NEO1: variants seen among roughly 807,000 people sequenced by gnomAD.
The protein encoded by NEO1 is neogenin.
NEO1 carries 63 observed loss-of-function variants against 159.7 expected under a neutral mutation model. The observed-to-expected ratio is 0.39, with a 90% CI of 0.32 to 0.49. The LOEUF (loss-of-function observed/expected upper bound fraction) is 0.49. Among genes scored for constraint, NEO1 ranks in the 20% least tolerant of loss-of-function variants. NEO1 has a pLI of 0.85. For missense variants in NEO1, 1,615 were observed against 1,831.0 expected, an observed-to-expected ratio of 0.88 and a Z score of 2.15; for synonymous variants, 633 against 662.0, an observed-to-expected ratio of 0.96 and a Z score of 0.67.
intron 5 of NEO1, among the ~76,000 whole-genome samples, chr15:73,166,308 A>G (rs2034566180): frequency 6.6e-6 from 1 of 152,148 alleles, no homozygotes. Context: ...TAAAAAATGA[A>G]AAACTAGAAT....
At chr15:73,265,588 A>G (rs2040846464) in intron 15 of NEO1, among the ~76,000 whole-genome samples, 2 of 152,290 alleles carry the variant, frequency 1.3e-5, no homozygotes, top group Admixed American at 6.5e-5. Context: ...CCTTTTCCCA[A>G]TCTCAGTGAA....
intron 7 of NEO1, chr15:73,221,652 C>T (rs118016492): frequency 0.013 from 1,975 of 155,844 alleles, 27 homozygotes; most frequent in East Asian, 0.049. Context: ...CCTCCCCAAG[C>T]CTTGCTGCTG....
chr15:73,254,651 A>C (rs2150961067), intron 12 of NEO1, 31 bp from the exon 13 acceptor site: 1 of 1,556,794 alleles, frequency 6.4e-7, no homozygotes. Flanking sequence ...TGATATATTC[A>C]GCCTTTTTTC....
intron 8 of NEO1, among the ~76,000 whole-genome samples, chr15:73,237,611 T>C (rs2039249942): frequency 6.6e-6 from 1 of 152,220 alleles, no homozygotes; most frequent in African/African-American, 2.4e-5. Context: ...GCAGGACCCT[T>C]TCTTTAATAC....
At chr15:73,289,259 T>C (rs146610833) in intron 25 of NEO1, 21 bp downstream of exon 25, 1 of 1,597,276 alleles carries the variant, frequency 6.3e-7, no homozygotes, top group African/African-American at 1.3e-5. Context: ...GCATCTCTTT[T>C]CCTCAGTGCT....
rs181362873 is a variant in NEO1, at chr15:73,116,036, A to G, written c.131-504A>G. 2.1e-3 allele frequency among the ~76,000 whole-genome samples: 323 copies of G among 152,346 alleles called. 2 individuals are homozygous for G. Among genetic ancestry groups the G allele is most frequent in the African/African-American group, 7.4e-3 (308 of 41,584 alleles). ...AAATGGAAAAAAGAATATTTGTAAAATATGATAGCAGATTGCTTTTTAAGT... is the reference window on the plus strand; with the variant it reads ...AAATGGAAAAAAGAATATTTGTAAAGTATGATAGCAGATTGCTTTTTAAGT... On this transcript the variant is annotated intron_variant, in intron 1 of 28. Coordinates refer to ENST00000261908, the MANE Select transcript of NEO1 (RefSeq NM_002499.4).
chr15:73,298,509 C>A lies in NEO1; in HGVS notation c.4063C>A (p.Pro1355Thr). 1 of 1,614,162 alleles carries A rather than the reference C, an allele frequency of 6.2e-7. No homozygotes were observed. Among genetic ancestry groups the A allele is most frequent in the Non-Finnish European group, 8.5e-7 (1 of 1,180,032 alleles). Residue 1355 changes from proline to threonine, a missense_variant, in exon 27 of 29, where the codon CCT becomes ACT. Pro to Thr is a conservative substitution (Grantham distance 38). Coordinates refer to ENST00000261908, the MANE Select transcript of NEO1 (RefSeq NM_002499.4). Reference protein sequence around the residue: ...GQSLPTAHVRPSHPLKSFAVP... With the variant: ...GQSLPTAHVRTSHPLKSFAVP... ...GAGTCTTCCCACTGCCCATGTTCGC[C>A]CTTCCCACCCATTGAAGAGCTTCGC...
rs541572728 is a variant in NEO1 at position 73,263,475 on chromosome 15, G to A, written c.2399-2841G>A. Among the ~76,000 whole-genome samples the A allele has an allele frequency of 1.9e-4, 29 of 152,164 alleles. No homozygotes were observed. The East Asian group carries it at 2.7e-3, about 14-fold the overall frequency. On this transcript the variant is annotated intron_variant, in intron 15 of 28. Transcript: ENST00000261908. ...CTTCCAAAGTGCTGGGATTACAGGC[G>A]TGAGCCACTGCACCCGGCCTCATTG...
Position 73,178,402 on chromosome 15 carries a change from A to C in NEO1, c.1266A>C (p.Gly422=). The change falls in exon 7 of 29, where the codon GGA becomes GGC. Residue 422 remains glycine (G), a synonymous_variant. Coordinates refer to ENST00000261908, the MANE Select transcript of NEO1 (RefSeq NM_002499.4). The stretch of plus-strand genomic sequence containing the variant: ...ATGATGTTGGAAATGCACAAGCTGG[A>C]GCCCAACTGATAATCCTTGAACATG... ...AENDVGNAQA[G]AQLIILEHAP... 6.2e-7 allele frequency: 1 copy of C among 1,613,794 alleles called. No individual in the cohort carries two copies. Among genetic ancestry groups the C allele is most frequent in the Non-Finnish European group, 8.5e-7 (1 of 1,179,844 alleles).
intron 1 of NEO1, among the ~76,000 whole-genome samples, chr15:73,072,840 T>C (rs1359109049): frequency 1.3e-5 from 2 of 152,004 alleles, no homozygotes; most frequent in Non-Finnish European, 2.9e-5. Context: ...TAGAAAGATA[T>C]TTAGATGATA....
At chr15:73,094,868 T>A (rs538132168) in intron 1 of NEO1, among the ~76,000 whole-genome samples, 7 of 152,336 alleles carry the variant, frequency 4.6e-5, no homozygotes, top group African/African-American at 1.7e-4. Flanking sequence ...AGGTGTGTAA[T>A]GTCTGTTTGG....
intron 5 of NEO1, among the ~76,000 whole-genome samples, chr15:73,175,337 G>A (rs1044937566): frequency 6.6e-6 from 1 of 152,128 alleles, no homozygotes; most frequent in African/African-American, 2.4e-5. Context: ...ACTTAGAATA[G>A]CATCAAAAGT....
intron 8 of NEO1, among the ~76,000 whole-genome samples, chr15:73,237,416 A>G (rs766464263): frequency 1.3e-5 from 2 of 152,242 alleles, no homozygotes; most frequent in African/African-American, 4.8e-5. Context: ...ACCATGCCAC[A>G]TGCTGACTGT....
intron 7 of NEO1, among the ~76,000 whole-genome samples, chr15:73,217,814 A>T (rs549179186): frequency 1.4e-4 from 21 of 152,342 alleles, no homozygotes; most frequent in African/African-American, 4.8e-4. Context: ...TATCAGCTTA[A>T]GGAGATTTTG....
At chr15:73,214,755 G>C (rs2037779907) in intron 7 of NEO1, among the ~76,000 whole-genome samples, 1 of 151,960 alleles carries the variant, frequency 6.6e-6, no homozygotes, top group South Asian at 2.1e-4. Flanking sequence ...TGGCTATGTG[G>C]GCTTTTTTGT....
At chr15:73,179,958 A>G (rs2035507044) in intron 7 of NEO1, among the ~76,000 whole-genome samples, 1 of 152,054 alleles carries the variant, frequency 6.6e-6, no homozygotes, top group East Asian at 1.9e-4. Context: ...ACAAGGATGT[A>G]TTGAACTTTT....
intron 1 of NEO1, 80 bp from the exon 2 acceptor site, chr15:73,116,460 G>T: frequency 8.5e-7 from 1 of 1,182,572 alleles, no homozygotes; most frequent in Non-Finnish European, 1.2e-6. Context: ...AATAATTTTT[G>T]GACTTGTTAG....
chr15:73,097,342 G>T (rs932179634), intron 1 of NEO1, among the ~76,000 whole-genome samples: 1 of 148,576 alleles, frequency 6.7e-6, no homozygotes, highest in African/African-American at 2.5e-5. Context: ...TCTCATATTT[G>T]GCCAGTCAGA....
chr15:73,138,628 C>T (rs980948004), intron 5 of NEO1, among the ~76,000 whole-genome samples: 4 of 152,106 alleles, frequency 2.6e-5, no homozygotes, highest in Non-Finnish European at 2.9e-5. Context: ...TAGTGGCGGC[C>T]GCCTGTAGTC....
Sources: allele counts gnomAD v4.1 joint callset (sites outside exome capture counted in the v4.1 genomes callset), GRCh38; gene constraint gnomAD v4.1.1; transcripts MANE v1.5; gene names NCBI Gene and HGNC (gene_info 2026-07-23, HGNC 2026-07-21).